The following PDSS2 variants were observed in gnomAD, a reference collection of about 807,000 sequenced individuals.
PDSS2 encodes all trans-polyprenyl-diphosphate synthase PDSS2.
Under a neutral mutation model 44.5 loss-of-function variants are expected in PDSS2, and 31 were observed. The ratio of observed to expected loss-of-function variants is 0.70; its 90% CI spans 0.52 to 0.94. PDSS2 has a LOEUF of 0.94. PDSS2 is among the 40% of genes least tolerant of loss of function. The pLI is 0.00. For missense variants in PDSS2, 452 were observed against 482.2 expected, an observed-to-expected ratio of 0.94 and a Z score of 0.59; for synonymous variants, 157 against 180.3, an observed-to-expected ratio of 0.87 and a Z score of 1.03.
chr6:107,161,515 A>G (rs572876828), intron 7 of PDSS2, among the ~76,000 whole-genome samples: 77 of 151,838 alleles, frequency 5.1e-4, no homozygotes, highest in South Asian at 1.0e-3. Flanking sequence ...TTGTACTTTT[A>G]AAAAGTGTTC....
chr6:107,356,261 C>A (rs1778595098), intron 1 of PDSS2, among the ~76,000 whole-genome samples: 1 of 152,190 alleles, frequency 6.6e-6, no homozygotes, highest in African/African-American at 2.4e-5. Flanking sequence ...ATGATGTATT[C>A]TCCACATTGA....
At chr6:107,185,123 TAAAA>T (rs11317647) in intron 7 of PDSS2, among the ~76,000 whole-genome samples, 1 of 88,788 alleles carries the variant, frequency 1.1e-5, no homozygotes, top group Non-Finnish European at 2.2e-5. Flanking sequence ...ACCTTATATC[TAAAA>T]AAAAAAAAAA....
chr6:107,207,978 GTTTTTTTTTT>G (rs756043067), intron 6 of PDSS2, among the ~76,000 whole-genome samples: 1 of 67,562 alleles, frequency 1.5e-5, no homozygotes, highest in East Asian at 6.0e-4. Flanking sequence ...TCTATGACTT[GTTTTTTTTTT>G]TTTTTTTTTT....
At chr6:107,241,164 G>A (rs1366233678) in intron 4 of PDSS2, among the ~76,000 whole-genome samples, 1 of 149,104 alleles carries the variant, frequency 6.7e-6, no homozygotes, top group Non-Finnish European at 1.5e-5. Context: ...CACAGGAATC[G>A]TTTGAACCGG....
chr6:107,247,687 AT>A (rs984715927), intron 3 of PDSS2, among the ~76,000 whole-genome samples: 5 of 152,090 alleles, frequency 3.3e-5, no homozygotes, highest in African/African-American at 4.8e-5. Context: ...TGAAATGTTT[AT>A]TTTTAAAATT....
chr6:107,373,338 G>A (rs1232507922), intron 1 of PDSS2, among the ~76,000 whole-genome samples: 3 of 152,014 alleles, frequency 2.0e-5, no homozygotes, highest in African/African-American at 7.2e-5. Flanking sequence ...TAGTCTACGA[G>A]GCAGAGTAAA....
intron 3 of PDSS2, among the ~76,000 whole-genome samples, chr6:107,260,186 T>C (rs1260160863): frequency 6.6e-6 from 1 of 152,222 alleles, no homozygotes; most frequent in Non-Finnish European, 1.5e-5. Context: ...AATGACCTGT[T>C]GGGCTAATGG....
intron 1 of PDSS2, among the ~76,000 whole-genome samples, chr6:107,375,266 CAA>C (rs1328598325): frequency 6.6e-6 from 1 of 151,242 alleles, no homozygotes; most frequent in African/African-American, 2.4e-5. Context: ...AACAGAAAAA[CAA>C]AAGAGAAAAC....
intron 4 of PDSS2, among the ~76,000 whole-genome samples, chr6:107,240,130 G>A (rs982435602): frequency 6.6e-6 from 1 of 152,088 alleles, no homozygotes; most frequent in Non-Finnish European, 1.5e-5. Context: ...TTTTCCAGCT[G>A]AGCATGGTGG....
intron 2 of PDSS2, among the ~76,000 whole-genome samples, chr6:107,292,513 G>A (rs1037137718): frequency 6.6e-6 from 1 of 152,168 alleles, no homozygotes; most frequent in African/African-American, 2.4e-5. Flanking sequence ...TCAGCAAGGA[G>A]TCACCATATT....
chr6:107,389,503 G>C (rs1246981134), intron 1 of PDSS2, among the ~76,000 whole-genome samples: 5 of 152,138 alleles, frequency 3.3e-5, no homozygotes, highest in Non-Finnish European at 7.4e-5. Context: ...GTATACTACA[G>C]TCGAACAAAC....
At chr6:107,273,620 A>C (rs1775677105) in intron 3 of PDSS2, among the ~76,000 whole-genome samples, 2 of 152,158 alleles carry the variant, frequency 1.3e-5, no homozygotes, top group Admixed American at 1.3e-4. Flanking sequence ...TATACATAGC[A>C]AGTTCTCATA....
At chr6:107,423,503 G>C (rs1339875693) in intron 1 of PDSS2, among the ~76,000 whole-genome samples, 1 of 152,044 alleles carries the variant, frequency 6.6e-6, no homozygotes, top group Non-Finnish European at 1.5e-5. Context: ...GGAAAATAAA[G>C]TTTCTCCAGC....
chr6:107,393,210 A>G (rs552266868), intron 1 of PDSS2, among the ~76,000 whole-genome samples: 225 of 152,100 alleles, frequency 1.5e-3, no homozygotes, highest in African/African-American at 5.1e-3. Flanking sequence ...TTGTTTTTTC[A>G]TCTTCATTCA....
intron 3 of PDSS2, among the ~76,000 whole-genome samples, chr6:107,272,936 T>TTTTTAA (rs1192594738): frequency 6.6e-6 from 1 of 152,084 alleles, no homozygotes; most frequent in Non-Finnish European, 1.5e-5. Flanking sequence ...TTATTTATTT[T>TTTTTAA]TTTTATTTTT....
At chr6:107,225,085 G>A (rs1247616708) in intron 4 of PDSS2, among the ~76,000 whole-genome samples, 1 of 142,298 alleles carries the variant, frequency 7.0e-6, no homozygotes, top group Admixed American at 7.1e-5. Context: ...TGATCCAGGA[G>A]AGTAAGAACA....
At chr6:107,157,788 A>AG (rs1429434104) in intron 7 of PDSS2, among the ~76,000 whole-genome samples, 1 of 151,826 alleles carries the variant, frequency 6.6e-6, no homozygotes, top group Admixed American at 6.6e-5. Context: ...CTCCTGCCTC[A>AG]GCCTCCCAAG....
chr6:107,309,036 A>T (rs537907987), intron 2 of PDSS2, among the ~76,000 whole-genome samples: 1 of 152,224 alleles, frequency 6.6e-6, no homozygotes, highest in Non-Finnish European at 1.5e-5. Flanking sequence ...CACAGCCCCA[A>T]ATGATTTGGA....
rs1456617807 is a variant in PDSS2, at chr6:107,163,927, G to A, written c.1042-9150C>T. Among the ~76,000 whole-genome samples, 11 of 152,206 alleles carry A rather than the reference G, an allele frequency of 7.2e-5. 1 individual carries two copies. Among genetic ancestry groups the A allele is most frequent in the East Asian group, 5.8e-4 (3 of 5,176 alleles). ...TGATCTTGTTCTTTTTTAAATAAACGTGACAACAGATACATTAAGCTGGGG... is the reference window on the plus strand; with the variant it reads ...TGATCTTGTTCTTTTTTAAATAAACATGACAACAGATACATTAAGCTGGGG... On this transcript the variant is annotated intron_variant, in intron 7 of 7. Coordinates refer to ENST00000369037, the MANE Select transcript of PDSS2 (RefSeq NM_020381.4).
Sources: gnomAD v4.1 joint callset for allele counts (sites outside exome capture counted in the v4.1 genomes callset) on GRCh38, gnomAD v4.1.1 for gene constraint, MANE v1.5 for transcripts, NCBI Gene and HGNC (gene_info 2026-07-23, HGNC 2026-07-21) for gene names.